GSDMA: variants seen among roughly 807,000 people sequenced by gnomAD.
GSDMA encodes the protein gasdermin A.
In GSDMA, 55 loss-of-function variants were observed where a neutral mutation model predicts 54.3. That is an observed-to-expected ratio of 1.01 (90% CI 0.82 to 1.27). GSDMA has a LOEUF of 1.27. GSDMA is among the 50% of genes most tolerant of loss of function. The pLI, the probability that GSDMA is intolerant of heterozygous loss-of-function variation, is 0.00. For missense variants in GSDMA, 542 were observed against 542.6 expected, an observed-to-expected ratio of 1.00 and a Z score of 0.01; for synonymous variants, 211 against 224.7, an observed-to-expected ratio of 0.94 and a Z score of 0.54.
chr17:39,963,407 C>T lies in GSDMA; in HGVS notation c.-6+322C>T, dbSNP rs573373432. The stretch of plus-strand genomic sequence containing the variant: ...CCACGCATCTGTGCCGTGCTTCCTG[C>T]CCCCCCTGCTGCTGTGAAGTGCCTG... On this transcript the variant is annotated intron_variant, in intron 1 of 11. Transcript: ENST00000301659. Among the ~76,000 whole-genome samples the T allele has an allele frequency of 4.0e-5, 6 of 151,478 alleles. No individual in the cohort carries two copies. In the South Asian group the frequency reaches 1.3e-3, roughly 32 times the overall value.
At chr17:39,967,685 T>G (rs1199517057) in intron 3 of GSDMA, among the ~76,000 whole-genome samples, 1 of 152,220 alleles carries the variant, frequency 6.6e-6, no homozygotes, top group East Asian at 1.9e-4. Context: ...CTTCTTTTTT[T>G]GTTTGAAACA....
rs376355189 is a variant in GSDMA at position 39,972,171 on chromosome 17, C to T, written c.698C>T (p.Pro233Leu). 4 of 1,602,054 alleles carry T rather than the reference C, an allele frequency of 2.5e-6. No homozygotes were observed. Among genetic ancestry groups the T allele is most frequent in the Admixed American group, 1.7e-5 (1 of 59,278 alleles). ...ICNDNMQTFP[P>L]GEKSGEEKVI... ...AATGATAACATGCAAACCTTCCCTCCTGGAGGTAAGTGAAATTGCTTACGG... is the reference window on the plus strand; with the variant it reads ...AATGATAACATGCAAACCTTCCCTCTTGGAGGTAAGTGAAATTGCTTACGG... Residue 233 changes from proline to leucine, a missense_variant, in exon 6 of 12, where the codon CCT becomes CTT. Physicochemically the swap from Pro to Leu is moderately conservative, Grantham distance 98. Coordinates refer to ENST00000301659, the MANE Select transcript of GSDMA (RefSeq NM_178171.5).
chr17:39,971,990 G>A (rs1401209666), intron 5 of GSDMA, 139 bp from the exon 6 acceptor site: 5 of 613,670 alleles, frequency 8.1e-6, no homozygotes, highest in Non-Finnish European at 1.2e-5. Context: ...CAGCAATGGA[G>A]GTTGAAGCTG....
rs781106611 is a variant in GSDMA at position 39,966,321 on chromosome 17, T to G, written c.276T>G (p.Asp92Glu). ...KNMLDTRVEG[D>E]VDVPKTVKVK... ...TGCTGGACACCCGAGTGGAGGGAGA[T>G]GTGGATGTACCAAAGACGGTGAAGG... The change falls in exon 3 of 12, where the codon GAT becomes GAG. Residue 92 changes from aspartate (D) to glutamate (E), a missense_variant. Coordinates refer to ENST00000301659, the MANE Select transcript of GSDMA (RefSeq NM_178171.5). 6.2e-6 allele frequency: 10 copies of G among 1,613,722 alleles called. No individual in the cohort carries two copies. Among genetic ancestry groups the G allele is most frequent in the South Asian group, 1.1e-5 (1 of 91,072 alleles).
At chr17:39,976,578 T>C (rs1390118080) in intron 11 of GSDMA, among the ~76,000 whole-genome samples, 2 of 152,104 alleles carry the variant, frequency 1.3e-5, no homozygotes, top group Non-Finnish European at 2.9e-5. Context: ...TCGCCTGGCC[T>C]GTGAGCAAAT....
chr17:39,966,681 G>T (rs1261391240), intron 3 of GSDMA, among the ~76,000 whole-genome samples: 3 of 152,168 alleles, frequency 2.0e-5, no homozygotes, highest in Non-Finnish European at 4.4e-5. Flanking sequence ...CATGCACAGG[G>T]AAGATGATGT....
chr17:39,964,735 T>A (rs1979558072), intron 1 of GSDMA, among the ~76,000 whole-genome samples: 1 of 152,116 alleles, frequency 6.6e-6, no homozygotes, highest in Non-Finnish European at 1.5e-5. Context: ...CCACCCAGGC[T>A]CTTGTTGCCA....
chr17:39,974,243 G>C, intron 8 of GSDMA, 30 bp from the exon 9 acceptor site: 1 of 1,585,916 alleles, frequency 6.3e-7, no homozygotes, highest in Non-Finnish European at 8.6e-7. Flanking sequence ...GCCCGATGGA[G>C]GGCTGTGTGT....
Position 39,972,948 on chromosome 17 carries a change from T to C in GSDMA, c.730+335T>C, listed in dbSNP as rs116955962. 9.3e-3 allele frequency among the ~76,000 whole-genome samples: 1,408 copies of C among 151,970 alleles called. 15 individuals are homozygous for C. Among genetic ancestry groups the C allele is most frequent in the Non-Finnish European group, 0.016 (1,109 of 67,956 alleles). ...GAGTTCAAGACCAGCCTGGGCAACA[T>C]AGTGAGACAATGTCTCTATTTAAAA... On this transcript the variant is annotated intron_variant, in intron 7 of 11. Coordinates refer to ENST00000301659, the MANE Select transcript of GSDMA (RefSeq NM_178171.5).
Position 39,977,128 on chromosome 17 carries a change from C to T in GSDMA, c.*70C>T. 1.3e-6 allele frequency: 2 copies of T among 1,542,254 alleles called. No individual in the cohort carries two copies. The highest frequency in any genetic ancestry group is 1.8e-6 in the Non-Finnish European group (2 of 1,128,904). On this transcript the variant is annotated 3_prime_UTR_variant, in exon 12 of 12. Transcript: ENST00000301659. ...CCTCGTGGTGCTGTGTCCTTACCAC[C>T]TAAGGGCATTTCAGAGCCATCAGCT...
chr17:39,972,111 C>CCCCCCT lies in GSDMA; in HGVS notation c.656-18_656-17insCCCCCT. 4.7e-6 allele frequency: 6 copies of CCCCCCT among 1,278,804 alleles called. No individual in the cohort carries two copies. Among genetic ancestry groups the CCCCCCT allele is most frequent in the South Asian group, 2.5e-5 (2 of 80,020 alleles). 79.2% of individuals were successfully genotyped at this position (1,278,804 alleles called of 1,614,324 possible). ...GCTGCTAAGTGTCCTCCCACCCTCCCTCCCTTGCCCTTCACAGATATTCCA... is the reference window on the plus strand; with the variant it reads ...GCTGCTAAGTGTCCTCCCACCCTCCCCCCCCTTCCCTTGCCCTTCACAGATATTCCA... On this transcript the variant is annotated splice_polypyrimidine_tract_variant and intron_variant, in intron 5 of 11. Coordinates refer to ENST00000301659, the MANE Select transcript of GSDMA (RefSeq NM_178171.5).
Position 39,975,034 on chromosome 17 carries a change from T to G in GSDMA, c.1021+20T>G. 7.2e-7 allele frequency: 1 copy of G among 1,382,990 alleles called. No individual in the cohort carries two copies. Among genetic ancestry groups the G allele is most frequent in the Non-Finnish European group, 1.0e-6 (1 of 975,718 alleles). 85.7% of individuals were successfully genotyped at this position (1,382,990 alleles called of 1,614,324 possible). ...TAACAGGTAAGTGGGGAATAAGGTC[T>G]TCATTTATAGACCTTTTCAGTAATA... On this transcript the variant is annotated intron_variant, in intron 10 of 11. Coordinates refer to ENST00000301659, the MANE Select transcript of GSDMA (RefSeq NM_178171.5).
At chr17:39,970,685 T>A (rs201761497) in intron 4 of GSDMA, 38 bp downstream of exon 4, 15 of 1,199,730 alleles carry the variant, frequency 1.3e-5, no homozygotes, top group Admixed American at 3.6e-5. Context: ...ACACACACAC[T>A]CTCACACTCA....
In GSDMA at chr17:39,972,115, C is replaced by A. The variant is rs377747761; in HGVS notation, c.656-14C>A. The A allele has an allele frequency of 3.8e-4, 561 of 1,462,180 alleles. 10 individuals are homozygous for A. In the South Asian group the frequency reaches 6.3e-3, roughly 16 times the overall value. The allele number at this position is 1,462,180 out of a possible 1,614,324, so 90.6% of individuals were successfully genotyped here. A position where few individuals can be genotyped will look rare whatever the true frequency, so the allele number is the denominator to read the frequency against. ...CTAAGTGTCCTCCCACCCTCCCTCC[C>A]TTGCCCTTCACAGATATTCCACATA... On this transcript the variant is annotated splice_polypyrimidine_tract_variant and intron_variant, in intron 5 of 11. Transcript: ENST00000301659.
intron 11 of GSDMA, 77 bp downstream of exon 11, chr17:39,976,074 A>G: frequency 1.9e-6 from 2 of 1,044,770 alleles, no homozygotes; most frequent in Non-Finnish European, 2.9e-6. Flanking sequence ...TCGCCTAAGG[A>G]TGGAGCCATT....
chr17:39,975,098 AAATG>A (rs1980144344), intron 10 of GSDMA, 84 bp downstream of exon 10: 6 of 761,288 alleles, frequency 7.9e-6, no homozygotes, highest in Non-Finnish European at 1.4e-5. Context: ...ATGGATGAAT[AAATG>A]AATGAATGAC....
intron 3 of GSDMA, among the ~76,000 whole-genome samples, chr17:39,969,867 A>G (rs979011388): frequency 6.9e-6 from 1 of 145,742 alleles, no homozygotes; most frequent in Non-Finnish European, 1.5e-5. Flanking sequence ...CAAAAAAAAA[A>G]AGAATTTTTT....
Position 39,975,981 on chromosome 17 carries a change from C to T in GSDMA, c.1079C>T (p.Pro360Leu), listed in dbSNP as rs761085790. 1.5e-5 allele frequency: 24 copies of T among 1,596,526 alleles called. 1 individual carries two copies. In the South Asian group the frequency reaches 2.5e-4, roughly 17 times the overall value. The change falls in exon 11 of 12, where the codon CCC (proline) becomes CTC (leucine). Residue 360 changes from proline (P) to leucine (L), a missense_variant. By Grantham distance (98) the Pro-to-Leu change is moderately conservative (BLOSUM62 -3). Coordinates refer to ENST00000301659, the MANE Select transcript of GSDMA (RefSeq NM_178171.5). ...AAATCCATGGAGAAAAAGATCCTAC[C>T]CGTGCAGCTAAAGCTGGTGAGGGAA... ...LVKSMEKKIL[P>L]VQLKLVESTM... is the part of the protein sequence containing the mutation.
rs755769593 is a variant in GSDMA at position 39,974,853 on chromosome 17, G to T, written c.907-47G>T. 1.0e-5 allele frequency: 11 copies of T among 1,068,646 alleles called. No homozygotes were observed. In the South Asian group the frequency reaches 1.5e-4, roughly 14 times the overall value. The allele number at this position is 1,068,646 out of a possible 1,614,324, so 66.2% of individuals were successfully genotyped here. Reference sequence around the variant, plus strand: ...TTATTATGTGCTGGGCCCTGGGTTGGGCCCTTTCCTATGTTATCTTCAATA... The same window carrying T: ...TTATTATGTGCTGGGCCCTGGGTTGTGCCCTTTCCTATGTTATCTTCAATA... On this transcript the variant is annotated intron_variant, in intron 9 of 11. Transcript: ENST00000301659.
Sources: allele counts gnomAD v4.1 joint callset (sites outside exome capture counted in the v4.1 genomes callset), GRCh38; gene constraint gnomAD v4.1.1; transcripts MANE v1.5; gene names NCBI Gene and HGNC (gene_info 2026-07-23, HGNC 2026-07-21).